The following LARGE1 variants were observed in gnomAD, a reference collection of about 807,000 sequenced individuals.
LARGE1 encodes xylosyl- and glucuronyltransferase LARGE1.
A neutral mutation model predicts 87.6 loss-of-function variants in LARGE1; 43 were observed. That is an observed-to-expected ratio of 0.49 (90% CI 0.38 to 0.63). The LOEUF (loss-of-function observed/expected upper bound fraction) is 0.63. Among genes scored for constraint, LARGE1 ranks in the 30% least tolerant of loss-of-function variants. The probability of loss-of-function intolerance (pLI) is 0.00; values close to 1 mark genes in which losing one functional copy is unlikely to be tolerated. For missense variants in LARGE1, 802 were observed against 1,000.2 expected (o/e 0.80, Z 2.67); for synonymous variants, 434 against 394.6 (o/e 1.10, Z -1.18).
chr22:33,469,168 A>AT (rs1204530848), intron 6 of LARGE1, among the ~76,000 whole-genome samples: 1 of 152,230 alleles, frequency 6.6e-6, no homozygotes, highest in Non-Finnish European at 1.5e-5. Flanking sequence ...CAACCCAGCA[A>AT]TCTCATTATT....
At chr22:33,740,097 C>T (rs1052697741) in intron 2 of LARGE1, among the ~76,000 whole-genome samples, 1 of 152,118 alleles carries the variant, frequency 6.6e-6, no homozygotes. Context: ...GGCATACGAT[C>T]TCAGCACACA....
chr22:33,266,409 A>C (rs1360704653), intron 11 of LARGE1, among the ~76,000 whole-genome samples: 3 of 151,418 alleles, frequency 2.0e-5, no homozygotes, highest in Admixed American at 1.3e-4. Context: ...TTTTTAGTAG[A>C]GATGGGGTTT....
At chr22:33,389,242 G>C (rs998898701) in intron 7 of LARGE1, among the ~76,000 whole-genome samples, 1 of 152,268 alleles carries the variant, frequency 6.6e-6, no homozygotes, top group Non-Finnish European at 1.5e-5. Flanking sequence ...CACACGCACA[G>C]GCAATAAATC....
chr22:33,297,673 G>A (rs1933504705), intron 12 of LARGE1, among the ~76,000 whole-genome samples: 1 of 150,108 alleles, frequency 6.7e-6, no homozygotes. Flanking sequence ...GGACAGTAGA[G>A]ATACTTTACA....
intron 7 of LARGE1, among the ~76,000 whole-genome samples, chr22:33,410,135 T>C (rs1815345976): frequency 6.6e-6 from 1 of 152,100 alleles, no homozygotes; most frequent in African/African-American, 2.4e-5. Flanking sequence ...ATTTAAGTGG[T>C]CTGAGATAAG....
At position 33,409,088 on chromosome 22, in the gene LARGE1, C is replaced by T. The variant is rs73405383; in HGVS notation, c.892+23073G>A. 2.8e-3 allele frequency among the ~76,000 whole-genome samples: 433 copies of T among 152,318 alleles called. 1 individual carries two copies. Among genetic ancestry groups the T allele is most frequent in the African/African-American group, 1.0e-2 (414 of 41,572 alleles). On this transcript the variant is annotated intron_variant, in intron 7 of 14. Transcript: ENST00000397394. ...TTGGATAATTGTCTTCATGGAGATT[C>T]CCTTCACTTGGAGCAGTCCCATAGG...
At chr22:33,366,325 A>G (rs894915528) in intron 9 of LARGE1, among the ~76,000 whole-genome samples, 3 of 152,244 alleles carry the variant, frequency 2.0e-5, no homozygotes, top group Non-Finnish European at 4.4e-5. Context: ...CACGGCCCTG[A>G]GCAAATGCTC....
At chr22:33,731,153 A>G (rs1168357984) in intron 2 of LARGE1, among the ~76,000 whole-genome samples, 1 of 151,698 alleles carries the variant, frequency 6.6e-6, no homozygotes, top group Non-Finnish European at 1.5e-5. Context: ...CCAGGCGCCT[A>G]CCACCATGCC....
At chr22:33,161,620 T>C (rs111668513), downstream of LARGE1, among the ~76,000 whole-genome samples, 2,571 of 152,290 alleles carry the variant, frequency 0.017, 73 homozygotes, top group African/African-American at 0.057. Context: ...CAAAATCCAA[T>C]AGGGCAGTCA....
chr22:33,259,158 A>C (rs148465664), intron 11 of LARGE1, among the ~76,000 whole-genome samples: 1 of 152,184 alleles, frequency 6.6e-6, no homozygotes, highest in Admixed American at 6.5e-5. Context: ...GATTACAGGC[A>C]TGAGCCACTA....
At chr22:33,486,200 C>A (rs1429038939) in intron 6 of LARGE1, among the ~76,000 whole-genome samples, 1 of 152,330 alleles carries the variant, frequency 6.6e-6, no homozygotes, top group Admixed American at 6.5e-5. Context: ...CAGTTTCACA[C>A]TGATAGAAAT....
chr22:33,460,940 C>G (rs1402442136), intron 6 of LARGE1, among the ~76,000 whole-genome samples: 8 of 152,116 alleles, frequency 5.3e-5, no homozygotes, highest in African/African-American at 1.9e-4. Flanking sequence ...TCTTGTTGGT[C>G]TGAAAGCCAA....
the LARGE1 span, among the ~76,000 whole-genome samples, chr22:33,143,571 A>T: frequency 6.6e-6 from 1 of 152,268 alleles, no homozygotes. Flanking sequence ...ATGAGTACAG[A>T]GCACTTTCTA....
chr22:33,117,119 C>T, the LARGE1 span, among the ~76,000 whole-genome samples: 1 of 152,140 alleles, frequency 6.6e-6, no homozygotes, highest in African/African-American at 2.4e-5. Context: ...TTGCTGTTTC[C>T]AAAGGAGCAG....
intron 7 of LARGE1, among the ~76,000 whole-genome samples, chr22:33,417,468 G>A (rs1287433757): frequency 6.6e-6 from 1 of 152,182 alleles, no homozygotes; most frequent in Non-Finnish European, 1.5e-5. Context: ...AGGGACATAG[G>A]AACAAAGAAA....
At chr22:33,819,177 T>C (rs545060411) in intron 1 of LARGE1, among the ~76,000 whole-genome samples, 15 of 152,274 alleles carry the variant, frequency 9.9e-5, no homozygotes, top group Non-Finnish European at 1.9e-4. Flanking sequence ...CCTGGGGGCT[T>C]TGGGATCCAA....
chr22:33,317,429 C>G (rs1936281836), intron 10 of LARGE1, among the ~76,000 whole-genome samples: 1 of 152,156 alleles, frequency 6.6e-6, no homozygotes, highest in African/African-American at 2.4e-5. Flanking sequence ...AACAGAAACT[C>G]TTTTCCTTTC....
At chr22:33,276,308 T>C (rs914535376) in intron 14 of LARGE1, among the ~76,000 whole-genome samples, 1 of 152,176 alleles carries the variant, frequency 6.6e-6, no homozygotes, top group East Asian at 1.9e-4. Flanking sequence ...ACACAGGGGC[T>C]GAAAAATTGA....
intron 1 of LARGE1, among the ~76,000 whole-genome samples, chr22:33,803,447 C>T (rs1195278206): frequency 6.6e-6 from 1 of 152,058 alleles, no homozygotes; most frequent in Non-Finnish European, 1.5e-5. Context: ...TTCATAGCTC[C>T]GTAAGATGAT....
Sources: allele counts gnomAD v4.1 joint callset (sites outside exome capture counted in the v4.1 genomes callset), GRCh38; gene constraint gnomAD v4.1.1; transcripts MANE v1.5; gene names NCBI Gene and HGNC (gene_info 2026-07-23, HGNC 2026-07-21).